HYCC1: variants seen among roughly 807,000 people sequenced by gnomAD.
The protein encoded by HYCC1 is hyccin PI4KA lipid kinase complex subunit 1.
the HYCC1 span, among the ~76,000 whole-genome samples, chr7:22,920,912 G>T: frequency 6.6e-6 from 1 of 152,094 alleles, no homozygotes; most frequent in Non-Finnish European, 1.5e-5. Context: ...GTTCATGTGA[G>T]ATCTGGTTGC....
chr7:22,909,772 G>T, the HYCC1 span, among the ~76,000 whole-genome samples: 1 of 152,108 alleles, frequency 6.6e-6, no homozygotes, highest in Admixed American at 6.5e-5. Flanking sequence ...GCAAACTCCT[G>T]TTCTTTTATG....
chr7:22,996,292 CAAAAAAAAA>C, the HYCC1 span, among the ~76,000 whole-genome samples: 1 of 55,636 alleles, frequency 1.8e-5, no homozygotes, highest in South Asian at 5.9e-4. Context: ...GACTCCGTCT[CAAAAAAAAA>C]AAAAAAAGAA....
chr7:22,934,947 A>G, the HYCC1 span: 4 of 152,238 alleles, frequency 2.6e-5, no homozygotes, highest in African/African-American at 9.6e-5. Context: ...TAGTTTACAA[A>G]GAGTAAACCC....
At chr7:22,950,769 C>G in the HYCC1 span, among the ~76,000 whole-genome samples, 6 of 151,502 alleles carry the variant, frequency 4.0e-5, no homozygotes, top group Non-Finnish European at 4.4e-5. Context: ...GAACTTAATC[C>G]TTTCTTTAAG....
At chr7:22,959,364 C>G in the HYCC1 span, among the ~76,000 whole-genome samples, 3 of 152,190 alleles carry the variant, frequency 2.0e-5, no homozygotes, top group Admixed American at 2.0e-4. Context: ...CTATAGAAAC[C>G]ACAACACAAC....
chr7:22,976,349 A>T, the HYCC1 span: 34 of 1,434,148 alleles, frequency 2.4e-5, no homozygotes, highest in Non-Finnish European at 3.3e-5. Context: ...TTAGAATTCT[A>T]AGAAGTCAAC....
the HYCC1 span, chr7:22,942,396 T>A: frequency 5.3e-5 from 8 of 152,082 alleles, no homozygotes; most frequent in Non-Finnish European, 1.2e-4. Flanking sequence ...GACTCCAGGG[T>A]GCTTTCCTGT....
chr7:22,998,079 T>G, the HYCC1 span, among the ~76,000 whole-genome samples: 1 of 152,164 alleles, frequency 6.6e-6, no homozygotes, highest in Non-Finnish European at 1.5e-5. Context: ...ATCAGGCACG[T>G]TCAAGGTGGT....
the HYCC1 span, chr7:22,947,105 C>T: frequency 1.3e-6 from 2 of 1,550,484 alleles, no homozygotes; most frequent in East Asian, 2.4e-5. Context: ...CCTGCACACC[C>T]TGTATATGCT....
At chr7:22,983,649 T>C in the HYCC1 span, 2 of 347,988 alleles carry the variant, frequency 5.7e-6, no homozygotes, top group South Asian at 7.3e-5. Flanking sequence ...GCATAGCCGA[T>C]GGCTCATAAT....
chr7:22,895,864 A>G, the HYCC1 span, among the ~76,000 whole-genome samples: 2 of 152,242 alleles, frequency 1.3e-5, no homozygotes, highest in African/African-American at 4.8e-5. Context: ...TGTTTTTATT[A>G]TGATGATTTC....
chr7:22,906,346 G>A, the HYCC1 span, among the ~76,000 whole-genome samples: 7 of 152,124 alleles, frequency 4.6e-5, no homozygotes, highest in Non-Finnish European at 8.8e-5. Flanking sequence ...GGGAGACCAA[G>A]GCAGGCGGAT....
At chr7:22,988,748 C>T in the HYCC1 span, among the ~76,000 whole-genome samples, 1 of 152,206 alleles carries the variant, frequency 6.6e-6, no homozygotes, top group Non-Finnish European at 1.5e-5. Flanking sequence ...CTTTTTCAGA[C>T]AGATAGAAAT....
chr7:22,988,531 G>A, the HYCC1 span, among the ~76,000 whole-genome samples: 1 of 152,088 alleles, frequency 6.6e-6, no homozygotes, highest in Non-Finnish European at 1.5e-5. Context: ...ACAAGATCTG[G>A]GAGCTTAGTG....
chr7:22,906,571 C>T, the HYCC1 span, among the ~76,000 whole-genome samples: 6 of 135,438 alleles, frequency 4.4e-5, no homozygotes, highest in African/African-American at 1.4e-4. Flanking sequence ...GAGTGAGACT[C>T]GGTCTCAAAA....
the HYCC1 span, among the ~76,000 whole-genome samples, chr7:22,928,435 C>T: frequency 2.6e-5 from 4 of 152,298 alleles, no homozygotes; most frequent in South Asian, 8.3e-4. Context: ...ATCTAGAAAA[C>T]CCCATAGTCT....
At chr7:22,899,520 C>G in the HYCC1 span, among the ~76,000 whole-genome samples, 1 of 152,202 alleles carries the variant, frequency 6.6e-6, no homozygotes, top group African/African-American at 2.4e-5. Context: ...AAAATAGTCT[C>G]TGCCTTAGAG....
chr7:22,977,914 A>G, the HYCC1 span, among the ~76,000 whole-genome samples: 1 of 152,222 alleles, frequency 6.6e-6, no homozygotes. Flanking sequence ...GGTGAATATT[A>G]GAGTAAATCT....
At chr7:22,927,634 G>A in the HYCC1 span, among the ~76,000 whole-genome samples, 23 of 152,230 alleles carry the variant, frequency 1.5e-4, no homozygotes, top group East Asian at 4.2e-3. Context: ...GACTAAACCA[G>A]GAAGAAGTTG....
Sources: gnomAD v4.1 joint callset for allele counts (sites outside exome capture counted in the v4.1 genomes callset) on GRCh38, gnomAD v4.1.1 for gene constraint, MANE v1.5 for transcripts, NCBI Gene and HGNC (gene_info 2026-07-23, HGNC 2026-07-21) for gene names.